Variants in DOCK1 observed in about 807,000 individuals in gnomAD.
The protein encoded by DOCK1 is dedicator of cytokinesis 1, also known as dedicator of cytokinesis protein 1.
DOCK1 carries 138 observed loss-of-function variants against 262.7 expected under a neutral mutation model. The observed-to-expected ratio is 0.53, with a 90% confidence interval of 0.46 to 0.61. The LOEUF (loss-of-function observed/expected upper bound fraction) is 0.61. DOCK1 is among the 20% of genes least tolerant of loss of function. DOCK1 has a pLI of 0.00. For synonymous variants in DOCK1, 866 were observed against 867.4 expected, an observed-to-expected ratio of 1.00 and a Z score of 0.03; for missense variants, 1,908 against 2,370.7, an observed-to-expected ratio of 0.80 and a Z score of 4.05.
At chr10:126,908,456 A>T (rs923577758) in intron 1 of DOCK1, among the ~76,000 whole-genome samples, 7 of 152,118 alleles carry the variant, frequency 4.6e-5, no homozygotes, top group African/African-American at 1.7e-4. Flanking sequence ...TGAACGAATC[A>T]CGAGGGGTAA....
intron 38 of DOCK1, among the ~76,000 whole-genome samples, chr10:127,400,466 G>T (rs528851367): frequency 6.6e-6 from 1 of 152,348 alleles, no homozygotes; most frequent in East Asian, 1.9e-4. Context: ...GCAGGAGGTG[G>T]GGAAGCAGCT....
At chr10:126,949,529 A>G (rs1457201371) in intron 1 of DOCK1, among the ~76,000 whole-genome samples, 2 of 152,108 alleles carry the variant, frequency 1.3e-5, no homozygotes, top group African/African-American at 4.8e-5. Flanking sequence ...GGGCATCAGT[A>G]CATCCCCTGC....
At chr10:126,936,614 T>A (rs1184168036) in intron 1 of DOCK1, among the ~76,000 whole-genome samples, 1 of 152,202 alleles carries the variant, frequency 6.6e-6, no homozygotes, top group Non-Finnish European at 1.5e-5. Flanking sequence ...TGCCCACCTC[T>A]GGTATTGGTT....
At chr10:127,021,716 A>G (rs999693052) in intron 13 of DOCK1, among the ~76,000 whole-genome samples, 1 of 152,132 alleles carries the variant, frequency 6.6e-6, no homozygotes, top group African/African-American at 2.4e-5. Flanking sequence ...GCCTCCTTCC[A>G]CACAGCTACT....
intron 27 of DOCK1, among the ~76,000 whole-genome samples, chr10:127,152,944 G>C (rs2052652863): frequency 6.6e-6 from 1 of 152,214 alleles, no homozygotes; most frequent in Admixed American, 6.5e-5. Flanking sequence ...TCCCTTGGGA[G>C]AGAACCCTGA....
At chr10:127,440,814 C>T (rs2070067242) in intron 49 of DOCK1, among the ~76,000 whole-genome samples, 1 of 152,252 alleles carries the variant, frequency 6.6e-6, no homozygotes. Context: ...GGATGTCAGA[C>T]CAGGGGGGCA....
intron 27 of DOCK1, among the ~76,000 whole-genome samples, chr10:127,237,195 C>T (rs1347727158): frequency 6.6e-6 from 1 of 151,842 alleles, no homozygotes; most frequent in Non-Finnish European, 1.5e-5. Context: ...CCTGTCTCTA[C>T]TAAAAATATG....
At chr10:127,077,055 G>A (rs749693656) in intron 23 of DOCK1, among the ~76,000 whole-genome samples, 2 of 152,070 alleles carry the variant, frequency 1.3e-5, no homozygotes, top group Non-Finnish European at 2.9e-5. Flanking sequence ...AAATGTCAGG[G>A]TAACTTAAAT....
At chr10:127,306,912 A>G (rs2061898317) in intron 29 of DOCK1, among the ~76,000 whole-genome samples, 1 of 152,222 alleles carries the variant, frequency 6.6e-6, no homozygotes, top group African/African-American at 2.4e-5. Flanking sequence ...TACATGTATT[A>G]TGTGCAAAGT....
At chr10:127,050,229 TTATAATAGATATTTCCAA>T (rs1181196419) in intron 21 of DOCK1, among the ~76,000 whole-genome samples, 6 of 151,576 alleles carry the variant, frequency 4.0e-5, no homozygotes, top group South Asian at 2.1e-4. Flanking sequence ...ATATCCTTAA[TTATAATAGATATTTCCAA>T]TATAATAGAT....
intron 4 of DOCK1, among the ~76,000 whole-genome samples, chr10:126,983,579 G>T (rs2039135840): frequency 6.6e-6 from 1 of 151,978 alleles, no homozygotes; most frequent in Non-Finnish European, 1.5e-5. Context: ...TCTTGCATGA[G>T]CTCTCTCTTG....
intron 1 of DOCK1, among the ~76,000 whole-genome samples, chr10:126,949,018 T>C (rs1232800387): frequency 2.0e-5 from 3 of 152,104 alleles, no homozygotes; most frequent in Non-Finnish European, 2.9e-5. Flanking sequence ...AACTGAGCTT[T>C]CGTCTTTGCT....
intron 25 of DOCK1, among the ~76,000 whole-genome samples, chr10:127,122,321 G>T (rs2049643562): frequency 1.3e-5 from 2 of 152,172 alleles, no homozygotes; most frequent in South Asian, 4.1e-4. Context: ...GAAATCCCTG[G>T]CATGGGCAGA....
chr10:127,362,030 T>G, intron 32 of DOCK1, 34 bp from the exon 33 acceptor site: 1 of 1,568,090 alleles, frequency 6.4e-7, no homozygotes, highest in Non-Finnish European at 8.6e-7. Context: ...TCTATTTTTC[T>G]TTATTTCTGA....
chr10:127,179,776 T>C (rs951566233), intron 27 of DOCK1, among the ~76,000 whole-genome samples: 3 of 151,864 alleles, frequency 2.0e-5, no homozygotes, highest in African/African-American at 7.2e-5. Context: ...CATTCCTTCA[T>C]GCATTTATTC....
intron 23 of DOCK1, among the ~76,000 whole-genome samples, chr10:127,083,937 G>T (rs1472548480): frequency 6.6e-6 from 1 of 152,142 alleles, no homozygotes; most frequent in Non-Finnish European, 1.5e-5. Flanking sequence ...CATAAATGTA[G>T]TGATGAGATT....
chr10:127,322,374 G>C, intron 29 of DOCK1, among the ~76,000 whole-genome samples: 1 of 149,524 alleles, frequency 6.7e-6, no homozygotes, highest in Non-Finnish European at 1.5e-5. Flanking sequence ...ATTTTTAGTA[G>C]TGATGGGGTT....
At position 127,137,899 on chromosome 10, in the gene DOCK1, G is replaced by T. The variant is rs374044414; in HGVS notation, c.2847+10135G>T. 1.1e-5 allele frequency: 18 copies of T among 1,614,030 alleles called. No homozygotes were observed. The African/African-American group carries it at 2.3e-4, about 20-fold the overall frequency. ...GATTCAGTTTTGGATTTTTGCTTGGGAGTTGAGGAGTAAGTCTCCTGAGAG... is the reference window on the plus strand; with the variant it reads ...GATTCAGTTTTGGATTTTTGCTTGGTAGTTGAGGAGTAAGTCTCCTGAGAG... On this transcript the variant is annotated intron_variant, in intron 27 of 51. Coordinates refer to ENST00000623213, the MANE Select transcript of DOCK1 (RefSeq NM_001290223.2).
At chr10:127,346,755 G>A (rs888667409) in intron 31 of DOCK1, among the ~76,000 whole-genome samples, 19 of 152,246 alleles carry the variant, frequency 1.2e-4, no homozygotes, top group African/African-American at 4.6e-4. Flanking sequence ...GAGCCACCCA[G>A]GGCCTCTGCC....
Sources: allele counts gnomAD v4.1 joint callset (sites outside exome capture counted in the v4.1 genomes callset), GRCh38; gene constraint gnomAD v4.1.1; transcripts MANE v1.5; gene names NCBI Gene and HGNC (gene_info 2026-07-23, HGNC 2026-07-21).